Variants in ATG10 observed in about 807,000 individuals in gnomAD.
ATG10 encodes ubiquitin-like-conjugating enzyme ATG10.
In ATG10, 30 loss-of-function variants were observed where a neutral mutation model predicts 32.1. That is an observed-to-expected ratio of 0.94 (90% CI 0.70 to 1.27). The LOEUF is 1.27. Among genes scored for constraint, ATG10 ranks in the 50% most tolerant of loss-of-function variants. The probability of loss-of-function intolerance (pLI) is 0.00; values close to 1 mark genes in which losing one functional copy is unlikely to be tolerated. For missense variants in ATG10, 233 were observed against 262.3 expected (o/e 0.89, Z 0.77); for synonymous variants, 87 against 91.5 (o/e 0.95, Z 0.28).
chr5:82,082,763 A>T (rs1023547071), intron 3 of ATG10, among the ~76,000 whole-genome samples: 1 of 152,184 alleles, frequency 6.6e-6, no homozygotes, highest in Non-Finnish European at 1.5e-5. Flanking sequence ...TGTTTTAGTA[A>T]ATAGAGATAT....
chr5:82,130,117 A>G lies in ATG10; in HGVS notation c.217-34282A>G, dbSNP rs1390684672. 2.0e-4 allele frequency among the ~76,000 whole-genome samples: 30 copies of G among 152,166 alleles called. 1 individual carries two copies. The highest frequency in any genetic ancestry group is 1.9e-3 in the Admixed American group (29 of 15,284). On this transcript the variant is annotated intron_variant, in intron 3 of 7. Transcript: ENST00000282185. The stretch of plus-strand genomic sequence containing the variant: ...CTGCGGCGGGCTCCGCCCAGTTTGA[A>G]CTTCCAGGCGGCTTTCTTTACACTG...
intron 5 of ATG10, among the ~76,000 whole-genome samples, chr5:82,186,110 A>G (rs1392596901): frequency 3.3e-5 from 5 of 152,320 alleles, no homozygotes; most frequent in Admixed American, 6.5e-5. Context: ...AGAAGGCTTT[A>G]TGGATTGCTG....
At chr5:82,069,091 G>T (rs1384854149) in intron 3 of ATG10, among the ~76,000 whole-genome samples, 4 of 151,940 alleles carry the variant, frequency 2.6e-5, no homozygotes, top group Non-Finnish European at 5.9e-5. Flanking sequence ...TAGTTAAAAA[G>T]ATTAATTTAA....
At chr5:82,227,489 C>T (rs1746180883) in intron 5 of ATG10, among the ~76,000 whole-genome samples, 1 of 152,084 alleles carries the variant, frequency 6.6e-6, no homozygotes, top group African/African-American at 2.4e-5. Context: ...ATTCTCCTGC[C>T]TCAGCCTCCC....
At chr5:82,033,806 T>C (rs1386860709) in intron 2 of ATG10, among the ~76,000 whole-genome samples, 1 of 151,424 alleles carries the variant, frequency 6.6e-6, no homozygotes, top group Non-Finnish European at 1.5e-5. Context: ...TGTGTATAGA[T>C]ACACATATGT....
At chr5:82,094,275 T>A (rs529632729) in intron 3 of ATG10, among the ~76,000 whole-genome samples, 39 of 152,304 alleles carry the variant, frequency 2.6e-4, no homozygotes, top group African/African-American at 9.1e-4. Context: ...TTTCATATAT[T>A]TTGTACAGTT....
intron 5 of ATG10, among the ~76,000 whole-genome samples, chr5:82,242,343 G>C (rs1348973392): frequency 6.6e-6 from 1 of 152,010 alleles, no homozygotes; most frequent in Admixed American, 6.6e-5. Context: ...AAACAAGAAA[G>C]AAATAGTAAA....
At chr5:82,167,894 G>T (rs115903240) in intron 4 of ATG10, among the ~76,000 whole-genome samples, 4,939 of 152,214 alleles carry the variant, frequency 0.032, 112 homozygotes, top group Middle Eastern at 0.051. Context: ...AACTACTTTT[G>T]TCATTGTAGG....
intron 2 of ATG10, among the ~76,000 whole-genome samples, chr5:82,014,640 T>G (rs1049951413): frequency 2.0e-5 from 3 of 152,178 alleles, no homozygotes; most frequent in Non-Finnish European, 4.4e-5. Flanking sequence ...TATCCGAGAC[T>G]AGGATTGCAA....
At chr5:81,974,611 T>G (rs1760817414) in intron 1 of ATG10, among the ~76,000 whole-genome samples, 1 of 152,192 alleles carries the variant, frequency 6.6e-6, no homozygotes, top group Non-Finnish European at 1.5e-5. Flanking sequence ...TGGTTTCTTC[T>G]TTTGGTTTTT....
chr5:82,150,316 C>G (rs1011769000), intron 3 of ATG10, among the ~76,000 whole-genome samples: 20 of 150,304 alleles, frequency 1.3e-4, no homozygotes, highest in Non-Finnish European at 2.2e-4. Context: ...AATCAAGTCA[C>G]TACGTATAAT....
chr5:82,159,051 T>C (rs1414485060), intron 3 of ATG10, among the ~76,000 whole-genome samples: 1 of 152,204 alleles, frequency 6.6e-6, no homozygotes, highest in Non-Finnish European at 1.5e-5. Context: ...TTTTGGCATA[T>C]CCAAATTTCC....
chr5:82,166,572 G>A (rs1187531285), intron 4 of ATG10, among the ~76,000 whole-genome samples: 1 of 151,874 alleles, frequency 6.6e-6, no homozygotes, highest in Non-Finnish European at 1.5e-5. Flanking sequence ...TTTTTAAAAT[G>A]TATCAACCTT....
chr5:81,995,671 C>T (rs1387040185), intron 2 of ATG10, among the ~76,000 whole-genome samples: 4 of 151,846 alleles, frequency 2.6e-5, no homozygotes, highest in Non-Finnish European at 5.9e-5. Context: ...TATATAAACA[C>T]TAAAGTACAG....
chr5:81,984,752 A>G lies in ATG10; in HGVS notation c.-12-2807A>G, dbSNP rs1021658653. On this transcript the variant is annotated intron_variant, in intron 1 of 7. Transcript: ENST00000282185. Reference sequence around the variant, plus strand: ...TGAATTTGGTAGAGGACCAGAAAGTATTACAACTTGAAAACTATGTATAAA... The same window carrying G: ...TGAATTTGGTAGAGGACCAGAAAGTGTTACAACTTGAAAACTATGTATAAA... 7.7e-4 allele frequency among the ~76,000 whole-genome samples: 118 copies of G among 152,368 alleles called. 2 individuals carry two copies. Among genetic ancestry groups the G allele is most frequent in the Non-Finnish European group, 5.9e-5 (4 of 68,030 alleles).
intron 5 of ATG10, among the ~76,000 whole-genome samples, chr5:82,251,023 G>A (rs928389544): frequency 1.3e-5 from 2 of 152,156 alleles, no homozygotes; most frequent in Non-Finnish European, 2.9e-5. Flanking sequence ...AGAATCAGGC[G>A]ACTGGTCAGA....
chr5:82,029,764 A>G (rs1009242408), intron 2 of ATG10, among the ~76,000 whole-genome samples: 20 of 152,330 alleles, frequency 1.3e-4, no homozygotes, highest in Non-Finnish European at 2.8e-4. Flanking sequence ...TATCTCACTC[A>G]TGGGTATAGA....
chr5:82,101,640 G>T (rs935299909), intron 3 of ATG10, among the ~76,000 whole-genome samples: 2 of 152,098 alleles, frequency 1.3e-5, no homozygotes, highest in African/African-American at 2.4e-5. Context: ...ATATAGAGAA[G>T]AATTTCCTAA....
chr5:82,190,311 T>C (rs897798452), intron 5 of ATG10, among the ~76,000 whole-genome samples: 6 of 151,994 alleles, frequency 3.9e-5, no homozygotes, highest in South Asian at 2.1e-4. Context: ...TGCATAGCTT[T>C]CCAGAAGTTT....
Sources: gnomAD v4.1 joint callset for allele counts (sites outside exome capture counted in the v4.1 genomes callset) on GRCh38, gnomAD v4.1.1 for gene constraint, MANE v1.5 for transcripts, NCBI Gene and HGNC (gene_info 2026-07-23, HGNC 2026-07-21) for gene names.